The following DAB1 variants were observed in gnomAD, a reference collection of about 807,000 sequenced individuals.
The protein encoded by DAB1 is DAB adaptor protein 1.
Under a neutral mutation model 64.6 loss-of-function variants are expected in DAB1, and 15 were observed. That is an observed-to-expected ratio of 0.23 (90% CI 0.16 to 0.36). DAB1 has a LOEUF of 0.36. Among genes scored for constraint, DAB1 ranks in the 10% least tolerant of loss-of-function variants. The pLI is 1.00. For synonymous variants in DAB1, 235 were observed against 251.9 expected, an observed-to-expected ratio of 0.93 and a Z score of 0.64; for missense variants, 596 against 706.7, an observed-to-expected ratio of 0.84 and a Z score of 1.78.
intron 5 of DAB1, among the ~76,000 whole-genome samples, chr1:58,026,874 C>T (rs1646903132): frequency 6.6e-6 from 1 of 152,328 alleles, no homozygotes; most frequent in South Asian, 2.1e-4. Flanking sequence ...TGCCAGGTGC[C>T]TGCACCTGTC....
At chr1:57,302,912 C>A (rs940626474) in intron 1 of DAB1, among the ~76,000 whole-genome samples, 10 of 152,172 alleles carry the variant, frequency 6.6e-5, no homozygotes, top group African/African-American at 2.4e-4. Flanking sequence ...CTCCCCCAAG[C>A]CTGAATTTGT....
At chr1:58,105,300 C>T (rs998537397) in intron 5 of DAB1, among the ~76,000 whole-genome samples, 1 of 152,176 alleles carries the variant, frequency 6.6e-6, no homozygotes, top group South Asian at 2.1e-4. Flanking sequence ...AAAAGCAAGA[C>T]CCCATCTGTA....
chr1:57,905,056 A>G (rs1644530264), intron 5 of DAB1, among the ~76,000 whole-genome samples: 1 of 152,098 alleles, frequency 6.6e-6, no homozygotes, highest in Non-Finnish European at 1.5e-5. Context: ...GTGCTTAGGT[A>G]TATTAACTTA....
chr1:57,081,278 T>C (rs1252572197), intron 4 of DAB1, among the ~76,000 whole-genome samples: 1 of 152,106 alleles, frequency 6.6e-6, no homozygotes, highest in Non-Finnish European at 1.5e-5. Context: ...GATGGTAGGC[T>C]CTTTGCACTT....
In DAB1 at chr1:57,329,660, CAAAAAAA is replaced by C. The variant is rs57801886; in HGVS notation, c.-136-38501_-136-38495del. 2.0e-3 allele frequency among the ~76,000 whole-genome samples: 206 copies of C among 101,020 alleles called. 1 individual carries two copies. Among genetic ancestry groups the C allele is most frequent in the African/African-American group, 4.9e-3 (121 of 24,514 alleles). The allele number at this position is 101,020 out of a possible 152,430, so 66.3% of individuals were successfully genotyped here. A position where few individuals can be genotyped will look rare whatever the true frequency, so the allele number is the denominator to read the frequency against. ...AGGATGGTCTGCAATTTGTCTCTTC[CAAAAAAA>C]AAAAAAAAAAAAACCCACAAAACAA... On this transcript the variant is annotated intron_variant, in intron 1 of 14. Coordinates refer to ENST00000371236, the MANE Select transcript of DAB1 (RefSeq NM_001365792.1).
At chr1:58,337,053 C>T (rs963283521) in intron 4 of DAB1, among the ~76,000 whole-genome samples, 3 of 152,094 alleles carry the variant, frequency 2.0e-5, no homozygotes, top group South Asian at 2.1e-4. Flanking sequence ...GAGGCCAAGG[C>T]AGCCAACCAC....
intron 2 of DAB1, among the ~76,000 whole-genome samples, chr1:57,157,209 T>A (rs1242693798): frequency 6.6e-6 from 1 of 152,164 alleles, no homozygotes; most frequent in African/African-American, 2.4e-5. Flanking sequence ...GATAAGTATT[T>A]TTTTTTCCTA....
At chr1:57,497,628 C>T (rs1445234635) in intron 7 of DAB1, among the ~76,000 whole-genome samples, 4 of 152,150 alleles carry the variant, frequency 2.6e-5, no homozygotes, top group African/African-American at 7.2e-5. Context: ...TCTGTGTACA[C>T]ATTGGATGGG....
In DAB1 at chr1:58,238,594, A is replaced by C. The variant is rs76189239; in HGVS notation, n.310-88006T>G. Reference sequence around the variant, plus strand: ...AGAAGTGTGGGATATCCTGTTTGCCATTGTGCCCCCTGAGGATTAGTAAAC... The same window carrying C: ...AGAAGTGTGGGATATCCTGTTTGCCCTTGTGCCCCCTGAGGATTAGTAAAC... On this transcript the variant is annotated intron_variant and non_coding_transcript_variant, in intron 4 of 20. Transcript: ENST00000485760. 1.9e-3 allele frequency among the ~76,000 whole-genome samples: 296 copies of C among 152,322 alleles called. No homozygotes were observed. The East Asian group carries it at 0.025, about 13-fold the overall frequency.
intron 3 of DAB1, among the ~76,000 whole-genome samples, chr1:58,383,952 G>A (rs900819534): frequency 9.2e-5 from 14 of 152,024 alleles, no homozygotes; most frequent in Non-Finnish European, 1.6e-4. Flanking sequence ...GAGGAACTGC[G>A]TTACTGTTTT....
chr1:57,766,580 T>C (rs1649321072), intron 6 of DAB1, among the ~76,000 whole-genome samples: 1 of 152,170 alleles, frequency 6.6e-6, no homozygotes, highest in South Asian at 2.1e-4. Context: ...CTTCGGGTCT[T>C]TGCTGGAGCT....
chr1:58,066,865 T>C (rs1324722528), intron 5 of DAB1, among the ~76,000 whole-genome samples: 1 of 152,208 alleles, frequency 6.6e-6, no homozygotes, highest in Non-Finnish European at 1.5e-5. Context: ...CAAAACAAAA[T>C]TGAATGACAT....
chr1:57,278,841 C>T (rs769278129), intron 2 of DAB1, among the ~76,000 whole-genome samples: 22 of 152,188 alleles, frequency 1.4e-4, no homozygotes, highest in African/African-American at 2.4e-4. Flanking sequence ...GACTTTGTGT[C>T]GTCTTTCCAG....
At chr1:58,070,449 A>G (rs911101426) in intron 5 of DAB1, among the ~76,000 whole-genome samples, 3 of 152,222 alleles carry the variant, frequency 2.0e-5, no homozygotes, top group Non-Finnish European at 4.4e-5. Context: ...AGCTAAGGAT[A>G]GTAGTGGTGG....
At chr1:57,179,575 C>T (rs1281588293) in intron 2 of DAB1, among the ~76,000 whole-genome samples, 2 of 152,242 alleles carry the variant, frequency 1.3e-5, no homozygotes, top group East Asian at 3.9e-4. Flanking sequence ...ATTCTTGGGC[C>T]TTTAGCTGCA....
chr1:58,179,896 A>G (rs1656681722), intron 4 of DAB1, among the ~76,000 whole-genome samples: 1 of 152,080 alleles, frequency 6.6e-6, no homozygotes, highest in South Asian at 2.1e-4. Flanking sequence ...CATTGAATTC[A>G]GCCAACTGTG....
intron 5 of DAB1, among the ~76,000 whole-genome samples, chr1:57,952,408 A>T (rs531984154): frequency 6.6e-6 from 1 of 152,264 alleles, no homozygotes; most frequent in African/African-American, 2.4e-5. Context: ...TCCTCCTTCC[A>T]GTTAAGCCAC....
chr1:58,401,325 C>CTTT (rs1210776726), intron 3 of DAB1, among the ~76,000 whole-genome samples: 6 of 152,188 alleles, frequency 3.9e-5, no homozygotes, highest in African/African-American at 1.4e-4. Flanking sequence ...GGCTTCTTTG[C>CTTT]TGTCTCTCAG....
At chr1:57,803,663 G>A (rs768876979) in intron 6 of DAB1, among the ~76,000 whole-genome samples, 9 of 152,204 alleles carry the variant, frequency 5.9e-5, no homozygotes, top group African/African-American at 1.4e-4. Flanking sequence ...CTGTGACTCC[G>A]TCAATGTCAG....
Sources: allele counts gnomAD v4.1 joint callset (sites outside exome capture counted in the v4.1 genomes callset), GRCh38; gene constraint gnomAD v4.1.1; transcripts MANE v1.5; gene names NCBI Gene and HGNC (gene_info 2026-07-23, HGNC 2026-07-21).